PACRG: variants seen among roughly 807,000 people sequenced by gnomAD.
The protein encoded by PACRG is parkin coregulated gene protein.
Under a neutral mutation model 29.7 loss-of-function variants are expected in PACRG, and 29 were observed. The ratio of observed to expected loss-of-function variants is 0.98; its 90% CI spans 0.73 to 1.33. The LOEUF (loss-of-function observed/expected upper bound fraction) is 1.33. Among genes scored for constraint, PACRG ranks in the 40% most tolerant of loss-of-function variants. PACRG has a pLI of 0.00. For missense variants in PACRG, 279 were observed against 316.2 expected (o/e 0.88, Z 0.89); for synonymous variants, 116 against 118.7 (o/e 0.98, Z 0.15).
intron 4 of PACRG, among the ~76,000 whole-genome samples, chr6:163,220,216 G>C (rs892613871): frequency 6.6e-6 from 1 of 151,958 alleles, no homozygotes; most frequent in Non-Finnish European, 1.5e-5. Context: ...GGGCGGGGGT[G>C]GGGGAGTGCA....
At position 163,305,085 on chromosome 6, in the gene PACRG, C is replaced by G. The variant is rs1387378007; in HGVS notation, c.614-9742C>G. Among the ~76,000 whole-genome samples the G allele has an allele frequency of 3.3e-5, 5 of 152,344 alleles. No individual in the cohort carries two copies. The East Asian group carries it at 5.8e-4, about 18-fold the overall frequency. ...AGGGCCAAGGGCAGCATTTCATCTT[C>G]CGAGCCCACACTCGGTGCCTGTGCT... On this transcript the variant is annotated intron_variant, in intron 4 of 4. Coordinates refer to ENST00000366888, the MANE Select transcript of PACRG (RefSeq NM_001080379.2).
intron 1 of PACRG, among the ~76,000 whole-genome samples, chr6:162,811,180 A>G (rs556395087): frequency 6.6e-6 from 1 of 152,324 alleles, no homozygotes; most frequent in South Asian, 2.1e-4. Context: ...CTTAAATCCT[A>G]CATCCAGTTA....
chr6:163,159,705 T>C (rs142112050), intron 4 of PACRG, among the ~76,000 whole-genome samples: 9 of 152,348 alleles, frequency 5.9e-5, no homozygotes, highest in South Asian at 2.1e-4. Flanking sequence ...GTTCTTCTTC[T>C]GCTTTGATAA....
At chr6:162,932,291 T>C (rs1418444064) in intron 2 of PACRG, among the ~76,000 whole-genome samples, 1 of 151,994 alleles carries the variant, frequency 6.6e-6, no homozygotes, top group African/African-American at 2.4e-5. Flanking sequence ...AGAAAACTTT[T>C]GGGGTTGATG....
intron 2 of PACRG, among the ~76,000 whole-genome samples, chr6:163,045,654 G>A (rs1193647815): frequency 1.6e-5 from 2 of 123,958 alleles, no homozygotes; most frequent in Admixed American, 1.0e-4. Context: ...ATGGAGTCTC[G>A]CTCTGTCCCC....
intron 4 of PACRG, among the ~76,000 whole-genome samples, chr6:163,275,062 C>T (rs549574154): frequency 1.2e-4 from 18 of 151,868 alleles, no homozygotes; most frequent in East Asian, 7.8e-4. Flanking sequence ...TTAATAGAGA[C>T]GGGGTTTCAC....
intron 2 of PACRG, among the ~76,000 whole-genome samples, chr6:162,823,917 T>A (rs1268165245): frequency 1.3e-5 from 2 of 152,194 alleles, no homozygotes; most frequent in Admixed American, 6.5e-5. Flanking sequence ...ACCTGGCCAA[T>A]ACCCAGTGTC....
chr6:162,935,392 CTTTTTTTTT>C (rs79058842), intron 2 of PACRG, among the ~76,000 whole-genome samples: 9 of 124,058 alleles, frequency 7.3e-5, no homozygotes, highest in Admixed American at 6.4e-4. Context: ...CTGTTTTATT[CTTTTTTTTT>C]TTTTTTTTGA....
Position 163,081,428 on chromosome 6 carries a change from A to G in PACRG, c.464-7831A>G, listed in dbSNP as rs1360100496. Among the ~76,000 whole-genome samples, 5 of 152,182 alleles carry G rather than the reference A, an allele frequency of 3.3e-5. No homozygotes were observed. In the East Asian group the frequency reaches 7.7e-4, roughly 23 times the overall value. ...AAGATAATGGTGAGACTTGCACAAC[A>G]TTGTAAATCTAATTAATGCCACTAA... On this transcript the variant is annotated intron_variant, in intron 3 of 4. Transcript: ENST00000366888.
intron 4 of PACRG, among the ~76,000 whole-genome samples, chr6:163,099,778 T>C (rs1814919884): frequency 6.6e-6 from 1 of 152,178 alleles, no homozygotes; most frequent in Non-Finnish European, 1.5e-5. Context: ...AAAGCTAAGC[T>C]TGACTGGATG....
chr6:162,769,925 A>G (rs1039444494), intron 1 of PACRG, among the ~76,000 whole-genome samples: 2 of 151,956 alleles, frequency 1.3e-5, no homozygotes, highest in Non-Finnish European at 2.9e-5. Flanking sequence ...GGCATTTCGG[A>G]TTTTTCAGAT....
intron 1 of PACRG, among the ~76,000 whole-genome samples, chr6:162,789,149 GTCAATTATC>G (rs1784743889): frequency 6.6e-6 from 1 of 152,094 alleles, no homozygotes. Flanking sequence ...CTAAAGATAT[GTCAATTATC>G]TCCAAGAGAT....
At chr6:162,756,084 T>C (rs761502873) in intron 1 of PACRG, among the ~76,000 whole-genome samples, 1 of 152,334 alleles carries the variant, frequency 6.6e-6, no homozygotes, top group East Asian at 1.9e-4. Context: ...TCCTGAAGAA[T>C]GTTAGATGAT....
rs555909044 is a variant in PACRG, at chr6:162,782,870, T to C, written c.157-31277T>C. On this transcript the variant is annotated intron_variant, in intron 1 of 4. Coordinates refer to ENST00000366888, the MANE Select transcript of PACRG (RefSeq NM_001080379.2). The stretch of plus-strand genomic sequence containing the variant: ...CTTTAATGGTAATACTAAGAGATTT[T>C]AAATATTCTAACATAATTCTTACAA... Among the ~76,000 whole-genome samples the C allele has an allele frequency of 3.3e-3, 505 of 152,032 alleles. 3 individuals carry two copies. Among genetic ancestry groups the C allele is most frequent in the African/African-American group, 0.011 (456 of 41,566 alleles).
At chr6:162,753,903 G>A (rs1781704513) in intron 1 of PACRG, among the ~76,000 whole-genome samples, 1 of 152,114 alleles carries the variant, frequency 6.6e-6, no homozygotes, top group Admixed American at 6.6e-5. Flanking sequence ...CTTTATAGCA[G>A]TGTGAAAATA....
At chr6:163,121,094 T>G (rs1816245700) in intron 4 of PACRG, among the ~76,000 whole-genome samples, 2 of 152,240 alleles carry the variant, frequency 1.3e-5, no homozygotes, top group Non-Finnish European at 2.9e-5. Flanking sequence ...ATAGCTACAG[T>G]TAATTCAGTA....
intron 2 of PACRG, among the ~76,000 whole-genome samples, chr6:163,011,724 C>CA (rs1805634748): frequency 6.6e-6 from 1 of 152,220 alleles, no homozygotes; most frequent in South Asian, 2.1e-4. Flanking sequence ...GCTTAAAACA[C>CA]AAACACATTA....
At chr6:162,774,781 A>G (rs1463401976) in intron 1 of PACRG, among the ~76,000 whole-genome samples, 1 of 152,164 alleles carries the variant, frequency 6.6e-6, no homozygotes, top group East Asian at 1.9e-4. Flanking sequence ...TCACTCTTCT[A>G]CTACTGAAGC....
intron 2 of PACRG, among the ~76,000 whole-genome samples, chr6:162,971,458 C>A (rs889434345): frequency 6.6e-6 from 1 of 152,150 alleles, no homozygotes; most frequent in Non-Finnish European, 1.5e-5. Flanking sequence ...TCCTAAACAC[C>A]TTGGGAGGAA....
Sources: allele counts gnomAD v4.1 joint callset (sites outside exome capture counted in the v4.1 genomes callset), GRCh38; gene constraint gnomAD v4.1.1; transcripts MANE v1.5; gene names NCBI Gene and HGNC (gene_info 2026-07-23, HGNC 2026-07-21).